The following UBXN7 variants were observed in gnomAD, a reference collection of about 807,000 sequenced individuals.
The protein encoded by UBXN7 is UBX domain-containing protein 7.
A neutral mutation model predicts 58.0 loss-of-function variants in UBXN7; 9 were observed. The ratio of observed to expected loss-of-function variants is 0.16; its 90% CI spans 0.09 to 0.27. UBXN7 has a LOEUF of 0.27. Among genes scored for constraint, UBXN7 ranks in the 10% least tolerant of loss-of-function variants. The pLI is 1.00. For synonymous variants in UBXN7, 208 were observed against 205.0 expected (o/e 1.01, Z -0.12); for missense variants, 328 against 599.6 (o/e 0.55, Z 4.73).
intron 3 of UBXN7, among the ~76,000 whole-genome samples, chr3:196,398,152 C>T (rs1359682063): frequency 6.6e-6 from 1 of 152,200 alleles, no homozygotes; most frequent in Non-Finnish European, 1.5e-5. Context: ...AATGGATGCC[C>T]CCAGGCAATA....
intron 10 of UBXN7, among the ~76,000 whole-genome samples, chr3:196,360,021 A>C (rs1319790795): frequency 6.6e-6 from 1 of 152,206 alleles, no homozygotes; most frequent in Non-Finnish European, 1.5e-5. Context: ...CTTAAGCCAA[A>C]GCCTAATCCA....
intron 1 of UBXN7, among the ~76,000 whole-genome samples, chr3:196,417,081 A>G (rs541293150): frequency 1.3e-5 from 2 of 152,336 alleles, no homozygotes; most frequent in East Asian, 3.9e-4. Context: ...TGGGGGGCCG[A>G]GGCGGGCGGA....
chr3:196,398,781 G>A (rs144789803), intron 3 of UBXN7, among the ~76,000 whole-genome samples: 1 of 152,138 alleles, frequency 6.6e-6, no homozygotes, highest in East Asian at 1.9e-4. Context: ...ACAGGCATGT[G>A]CCACCACACC....
chr3:196,387,027 G>C (rs1400614149), intron 5 of UBXN7, among the ~76,000 whole-genome samples: 5 of 151,968 alleles, frequency 3.3e-5, no homozygotes, highest in Admixed American at 3.3e-4. Context: ...TACTATATCT[G>C]TTTCAAACTA....
At chr3:196,373,951 C>T (rs139314992) in intron 5 of UBXN7, among the ~76,000 whole-genome samples, 216 of 152,224 alleles carry the variant, frequency 1.4e-3, no homozygotes, top group African/African-American at 5.1e-3. Context: ...GCCAGGAAGC[C>T]GCATTTAACT....
At chr3:196,402,595 C>T (rs1446853173) in intron 3 of UBXN7, among the ~76,000 whole-genome samples, 1 of 152,152 alleles carries the variant, frequency 6.6e-6, no homozygotes, top group Non-Finnish European at 1.5e-5. Flanking sequence ...AGGAACAGCA[C>T]TTCTACAAAC....
chr3:196,421,009 T>C (rs992722195), intron 1 of UBXN7, among the ~76,000 whole-genome samples: 1 of 152,206 alleles, frequency 6.6e-6, no homozygotes. Flanking sequence ...GATACCAAAG[T>C]AAGCTAAACT....
At chr3:196,365,126 A>G (rs928049981) in intron 8 of UBXN7, among the ~76,000 whole-genome samples, 2 of 152,066 alleles carry the variant, frequency 1.3e-5, no homozygotes, top group Non-Finnish European at 2.9e-5. Flanking sequence ...TCATTTTACT[A>G]ATTTCTCTTG....
rs1296111121 is a variant in UBXN7 at position 196,349,728 on chromosome 3, AT to A, written c.*6956del. Reference sequence around the variant, plus strand: ...CATACTGAGTCTATGAAAAAAGCAAATTAAAAAGATTTTAAGAAAGGGGGAA... The same window carrying A: ...CATACTGAGTCTATGAAAAAAGCAAATAAAAAGATTTTAAGAAAGGGGGAA... On this transcript the variant is annotated 3_prime_UTR_variant, in exon 11 of 11. Transcript: ENST00000296328. 1.3e-5 allele frequency: 2 copies of A among 152,228 alleles called. No homozygotes were observed. The highest frequency in any genetic ancestry group is 2.9e-5 in the Non-Finnish European group (2 of 68,040). 9.4% of individuals were successfully genotyped at this position (152,228 alleles called of 1,614,324 possible).
chr3:196,377,742 C>G (rs1729076925), intron 5 of UBXN7, among the ~76,000 whole-genome samples: 1 of 152,176 alleles, frequency 6.6e-6, no homozygotes, highest in East Asian at 1.9e-4. Flanking sequence ...CCACAGCTCA[C>G]TGCAGCCTCA....
chr3:196,428,251 A>G (rs1439891942), intron 1 of UBXN7, among the ~76,000 whole-genome samples: 2 of 152,186 alleles, frequency 1.3e-5, no homozygotes, highest in Non-Finnish European at 1.5e-5. Context: ...CAGTCTGACC[A>G]TGCAAAAAAG....
At chr3:196,405,469 CAAAAAAAAAAAAAGAA>C (rs1278298484) in intron 2 of UBXN7, among the ~76,000 whole-genome samples, 1 of 116,890 alleles carries the variant, frequency 8.6e-6, no homozygotes, top group Non-Finnish European at 1.8e-5. Flanking sequence ...GACTCCGTCT[CAAAAAAAAAAAAAGAA>C]AAGAAAAAAA....
intron 1 of UBXN7, among the ~76,000 whole-genome samples, chr3:196,425,610 G>C (rs975789330): frequency 2.8e-4 from 43 of 152,066 alleles, no homozygotes; most frequent in Non-Finnish European, 8.8e-5. Context: ...ATAAAGACAA[G>C]ATTTTTTTTA....
chr3:196,420,314 C>T (rs1205661246), intron 1 of UBXN7, among the ~76,000 whole-genome samples: 2 of 151,946 alleles, frequency 1.3e-5, no homozygotes, highest in African/African-American at 4.8e-5. Flanking sequence ...GGGTGGATCA[C>T]CTGAAGTCAG....
At chr3:196,380,085 T>TA (rs1729153645) in intron 5 of UBXN7, among the ~76,000 whole-genome samples, 1 of 151,766 alleles carries the variant, frequency 6.6e-6, no homozygotes, top group Admixed American at 6.6e-5. Flanking sequence ...ACATCTCTAT[T>TA]AAAAAATACA....
At chr3:196,432,079 CG>C in intron 1 of UBXN7, 4 of 617,240 alleles carry the variant, frequency 6.5e-6, no homozygotes, top group East Asian at 2.9e-5. Context: ...TCTGGGCTGG[CG>C]GGGGGTTGGG....
In UBXN7 at chr3:196,354,504, G is replaced by A. The variant is rs919007466; in HGVS notation, c.*2181C>T. The A allele has an allele frequency of 2.6e-5, 4 of 152,208 alleles. No homozygotes were observed. The highest frequency in any genetic ancestry group is 6.5e-5 in the Admixed American group (1 of 15,278). The allele number at this position is 152,208 out of a possible 1,614,324, so 9.4% of individuals were successfully genotyped here. A position where few individuals can be genotyped will look rare whatever the true frequency, so the allele number is the denominator to read the frequency against. ...GCTATGACTTTGCTGGAGTACAGAT[G>A]GGTGCCATCAGAGCACAAAGCTGAG... On this transcript the variant is annotated 3_prime_UTR_variant, in exon 11 of 11. Transcript: ENST00000296328.
At chr3:196,367,909 A>C (rs1728714224) in intron 8 of UBXN7, 119 bp downstream of exon 8, 2 of 1,368,668 alleles carry the variant, frequency 1.5e-6, no homozygotes, top group Admixed American at 2.3e-5. Context: ...TGCTATAGCC[A>C]CAGTGATAGT....
Position 196,356,661 on chromosome 3 carries a change from G to C in UBXN7, c.*24C>G. 1 of 1,578,006 alleles carries C rather than the reference G, an allele frequency of 6.3e-7. No homozygotes were observed. The highest frequency in any genetic ancestry group is 8.6e-7 in the Non-Finnish European group (1 of 1,168,564). On this transcript the variant is annotated 3_prime_UTR_variant, in exon 11 of 11. Transcript: ENST00000296328. ...ACAGGAAAAGGGAAAAAAGGGGTAA[G>C]CTGAGAGAGGTCAAGCCATGGTGTT...
Sources: gnomAD v4.1 joint callset for allele counts (sites outside exome capture counted in the v4.1 genomes callset) on GRCh38, gnomAD v4.1.1 for gene constraint, MANE v1.5 for transcripts, NCBI Gene and HGNC (gene_info 2026-07-23, HGNC 2026-07-21) for gene names.